ZNF33B: variants seen among roughly 807,000 people sequenced by gnomAD.
The protein encoded by ZNF33B is zinc finger protein 11b (KOX 2).
A neutral mutation model predicts 45.8 loss-of-function variants in ZNF33B; 29 were observed. That is an observed-to-expected ratio of 0.63 (90% CI 0.47 to 0.86). The LOEUF (loss-of-function observed/expected upper bound fraction) is 0.86, where lower values mean the gene tolerates loss of function less well. Among genes scored for constraint, ZNF33B ranks in the 40% least tolerant of loss-of-function variants. The pLI, the probability that ZNF33B is intolerant of heterozygous loss-of-function variation, is 0.00. For synonymous variants in ZNF33B, 305 were observed against 307.8 expected (o/e 0.99, Z 0.10); for missense variants, 831 against 909.9 (o/e 0.91, Z 1.12).
intron 2 of ZNF33B, chr10:42,633,007 C>G (rs1239110470): frequency 1.8e-5 from 3 of 170,512 alleles, no homozygotes; most frequent in African/African-American, 7.1e-5. Flanking sequence ...CACCAATGGT[C>G]TCTAAAGTAT....
At chr10:42,578,344 T>C (rs968742458) in intron 1 of ZNF33B, among the ~76,000 whole-genome samples, 1 of 152,212 alleles carries the variant, frequency 6.6e-6, no homozygotes, top group African/African-American at 2.4e-5. Flanking sequence ...CTGGGGTATC[T>C]GGACAGTGGC....
At chr10:42,583,193 C>T (rs541358433) in intron 1 of ZNF33B, 12 of 726,612 alleles carry the variant, frequency 1.7e-5, no homozygotes, top group Admixed American at 1.0e-4. Context: ...TGAAGATGGC[C>T]TGAAAGCCCT....
chr10:42,603,260 C>G (rs1837702525), intron 4 of ZNF33B, among the ~76,000 whole-genome samples: 1 of 152,174 alleles, frequency 6.6e-6, no homozygotes. Context: ...GCTGTAAGGA[C>G]AGAGAGTTCC....
At chr10:42,615,597 T>C (rs1235324780) in intron 4 of ZNF33B, among the ~76,000 whole-genome samples, 2 of 152,104 alleles carry the variant, frequency 1.3e-5, no homozygotes. Flanking sequence ...TAATGGATAT[T>C]GGCTTTGTTT....
At chr10:42,601,861 C>T (rs2132065396) in intron 4 of ZNF33B, among the ~76,000 whole-genome samples, 2 of 144,722 alleles carry the variant, frequency 1.4e-5, no homozygotes, top group East Asian at 4.1e-4. Flanking sequence ...TAATCTTATT[C>T]TTCTGCAATC....
At chr10:42,605,199 CAAG>C (rs1338935008) in intron 4 of ZNF33B, 3 of 146,028 alleles carry the variant, frequency 2.1e-5, no homozygotes, top group Non-Finnish European at 4.5e-5. Flanking sequence ...GGAACAATAC[CAAG>C]AAGATTAGCA....
chr10:42,632,590 T>G, intron 2 of ZNF33B, 151 bp from the exon 3 acceptor site: 3 of 1,072,424 alleles, frequency 2.8e-6, no homozygotes, highest in Non-Finnish European at 3.9e-6. Context: ...ATTAAGATAT[T>G]AATTCATGCA....
downstream of ZNF33B, among the ~76,000 whole-genome samples, chr10:42,585,352 A>G (rs569804046): frequency 2.6e-5 from 4 of 152,336 alleles, no homozygotes; most frequent in African/African-American, 7.2e-5. Context: ...ACAAACTAGA[A>G]CTGAACCAAG....
chr10:42,617,072 G>A (rs1467090302), intron 4 of ZNF33B, among the ~76,000 whole-genome samples: 3 of 110,602 alleles, frequency 2.7e-5, no homozygotes, highest in Non-Finnish European at 5.8e-5. Flanking sequence ...TTTATTTGAA[G>A]AAAATTGTTC....
intron 2 of ZNF33B, among the ~76,000 whole-genome samples, chr10:42,635,213 C>T (rs1839234701): frequency 6.6e-6 from 1 of 151,432 alleles, no homozygotes; most frequent in Admixed American, 6.6e-5. Context: ...TGCACTCTAG[C>T]CTGAGTGACA....
chr10:42,629,348 A>G (rs1418500817), intron 4 of ZNF33B, among the ~76,000 whole-genome samples: 4 of 152,178 alleles, frequency 2.6e-5, no homozygotes. Context: ...GTACAAAAAA[A>G]TAGTTAGAAA....
At chr10:42,582,833 C>G (rs929656407) in intron 1 of ZNF33B, 1 of 284,638 alleles carries the variant, frequency 3.5e-6, no homozygotes, top group African/African-American at 2.2e-5. Context: ...GCCCTGGGCC[C>G]CAGGTGAGTC....
At chr10:42,582,489 G>A (rs190699559) in intron 1 of ZNF33B, 1 of 152,428 alleles carries the variant, frequency 6.6e-6, no homozygotes, top group Non-Finnish European at 1.5e-5. Flanking sequence ...AAGAGCAAGT[G>A]AGCATGAGAC....
intron 4 of ZNF33B, among the ~76,000 whole-genome samples, chr10:42,621,935 A>G (rs1237583238): frequency 1.3e-5 from 2 of 152,236 alleles, no homozygotes; most frequent in Non-Finnish European, 1.5e-5. Context: ...CTAAAGATAG[A>G]TCATAAAGAA....
intron 1 of ZNF33B, among the ~76,000 whole-genome samples, chr10:42,637,647 TA>T (rs1354811529): frequency 2.0e-5 from 3 of 151,028 alleles, no homozygotes; most frequent in African/African-American, 7.4e-5. Context: ...CAAAATTAGG[TA>T]ATTCTGGTTT....
chr10:42,592,789 A>C lies in ZNF33B; in HGVS notation c.2161T>G (p.Cys721Gly), dbSNP rs750310734. 5 of 1,614,094 alleles carry C rather than the reference A, an allele frequency of 3.1e-6. No homozygotes were observed. In the Admixed American group the frequency reaches 6.7e-5, roughly 22 times the overall value. Residue 721 changes from cysteine to glycine, a missense_variant, in exon 5 of 5, where the codon TGT (cysteine) becomes GGT (glycine). Transcript: ENST00000359467. The part of the protein sequence containing the change: ...HHRAHTGEKS[C>G]QCNECGKIFY... ...ATTTTTCCACATTCATTACACTGAC[A>C]AGATTTCTCTCCTGTGTGAGCCCTG...
Position 42,593,469 on chromosome 10 carries a change from TCTC to T in ZNF33B, c.1478_1480del (p.Gly493del), listed in dbSNP as rs1456989076. 4 of 1,614,002 alleles carry T rather than the reference TCTC, an allele frequency of 2.5e-6. No homozygotes were observed. The highest frequency in any genetic ancestry group is 3.4e-6 in the Non-Finnish European group (4 of 1,179,990). The stretch of plus-strand genomic sequence containing the variant: ...ACATGCATTACATTCATAAGGTTTA[TCTC>T]CTATGTGAGTTCTCTGATGCTGTGT... On this transcript the variant is annotated inframe_deletion, in exon 5 of 5. Coordinates refer to ENST00000359467, the MANE Select transcript of ZNF33B (RefSeq NM_006955.3).
Position 42,619,305 on chromosome 10 carries a change from G to A in ZNF33B, c.250+12624C>T, listed in dbSNP as rs549518495. Among the ~76,000 whole-genome samples, 21 of 152,210 alleles carry A rather than the reference G, an allele frequency of 1.4e-4. No individual in the cohort carries two copies. In the East Asian group the frequency reaches 2.5e-3, roughly 18 times the overall value. ...ATTAATATCAGGAGCTCATATCTCCGCAGAAATCAATTGAAGGCCTGAAGA... is the reference window on the plus strand; with the variant it reads ...ATTAATATCAGGAGCTCATATCTCCACAGAAATCAATTGAAGGCCTGAAGA... On this transcript the variant is annotated intron_variant, in intron 4 of 4. Coordinates refer to ENST00000359467, the MANE Select transcript of ZNF33B (RefSeq NM_006955.3).
At chr10:42,582,692 C>A (rs980604079) in intron 1 of ZNF33B, 1 of 161,154 alleles carries the variant, frequency 6.2e-6, no homozygotes, top group Non-Finnish European at 1.4e-5. Flanking sequence ...TAGACTAAAT[C>A]GGATAAAACT....
Sources: gnomAD v4.1 joint callset for allele counts (sites outside exome capture counted in the v4.1 genomes callset) on GRCh38, gnomAD v4.1.1 for gene constraint, MANE v1.5 for transcripts, NCBI Gene and HGNC (gene_info 2026-07-23, HGNC 2026-07-21) for gene names.